The following MMP26 variants were observed in gnomAD, a reference collection of about 807,000 sequenced individuals.
MMP26 encodes the protein matrix metalloproteinase-26.
A neutral mutation model predicts 31.0 loss-of-function variants in MMP26; 33 were observed. The ratio of observed to expected loss-of-function variants is 1.06; its 90% CI spans 0.81 to 1.42. MMP26 has a LOEUF of 1.42. Ranked by LOEUF, MMP26 falls within the 40% of genes most tolerant of loss-of-function variation. MMP26 has a pLI of 0.00. For synonymous variants in MMP26, 122 were observed against 114.9 expected, an observed-to-expected ratio of 1.06 and a Z score of -0.40; for missense variants, 347 against 316.1, an observed-to-expected ratio of 1.10 and a Z score of -0.74.
intron 1 of MMP26, among the ~76,000 whole-genome samples, chr11:4,734,510 G>T: frequency 6.6e-6 from 1 of 151,886 alleles, no homozygotes. Context: ...TTGGATAAAG[G>T]CATTTACAGC....
chr11:4,850,346 A>T (rs1001188122), intron 2 of MMP26, among the ~76,000 whole-genome samples: 5 of 152,208 alleles, frequency 3.3e-5, no homozygotes, highest in African/African-American at 1.2e-4. Context: ...AGTGAAGAGG[A>T]ATTTATGTCA....
At chr11:4,941,818 G>A (rs11034778) in intron 2 of MMP26, among the ~76,000 whole-genome samples, 2,456 of 151,790 alleles carry the variant, frequency 0.016, 68 homozygotes, top group African/African-American at 0.056. Flanking sequence ...AGGTGCCGTG[G>A]CTCACGCTTG....
chr11:4,928,119 G>A (rs1203076634), intron 2 of MMP26, among the ~76,000 whole-genome samples: 1 of 104,948 alleles, frequency 9.5e-6, no homozygotes, highest in African/African-American at 3.2e-5. Flanking sequence ...ATATGACCTA[G>A]GACAAATTAC....
chr11:4,845,354 T>C (rs1849852437), intron 2 of MMP26, among the ~76,000 whole-genome samples: 1 of 152,150 alleles, frequency 6.6e-6, no homozygotes. Context: ...ATAGATTTAA[T>C]GCAATTCCAA....
At chr11:4,801,858 G>A (rs1022723025) in intron 2 of MMP26, among the ~76,000 whole-genome samples, 5 of 151,674 alleles carry the variant, frequency 3.3e-5, no homozygotes, top group South Asian at 2.1e-4. Flanking sequence ...TTAAATAACC[G>A]GATCTCGCAT....
intron 2 of MMP26, among the ~76,000 whole-genome samples, chr11:4,786,147 C>A (rs1469114999): frequency 6.6e-6 from 1 of 152,064 alleles, no homozygotes; most frequent in Non-Finnish European, 1.5e-5. Context: ...AACTGCAGGA[C>A]CCTGGAGTAG....
intron 2 of MMP26, among the ~76,000 whole-genome samples, chr11:4,807,471 C>T (rs181936871): frequency 6.6e-6 from 1 of 152,290 alleles, no homozygotes; most frequent in African/African-American, 2.4e-5. Flanking sequence ...TTTGCAGGGA[C>T]ATGGATGAAG....
intron 2 of MMP26, among the ~76,000 whole-genome samples, chr11:4,836,633 G>T (rs1387232885): frequency 2.1e-5 from 3 of 145,814 alleles, no homozygotes; most frequent in Non-Finnish European, 4.5e-5. Context: ...TGCATTGAAT[G>T]CTTGGAATCA....
chr11:4,809,467 C>T (rs1849321341), intron 2 of MMP26, among the ~76,000 whole-genome samples: 1 of 152,150 alleles, frequency 6.6e-6, no homozygotes, highest in Non-Finnish European at 1.5e-5. Flanking sequence ...TTTCAATGAT[C>T]TCACCCATTA....
chr11:4,910,314 A>T (rs1410591973), intron 2 of MMP26, among the ~76,000 whole-genome samples: 2 of 152,070 alleles, frequency 1.3e-5, no homozygotes, highest in Non-Finnish European at 2.9e-5. Flanking sequence ...CTAAGGATTC[A>T]TATAATTAGA....
Position 4,803,686 on chromosome 11 carries a change from G to A in MMP26, c.-145+36345G>A, listed in dbSNP as rs1331790913. On this transcript the variant is annotated intron_variant, in intron 2 of 7. Coordinates refer to ENST00000380390, the MANE Select transcript of MMP26 (RefSeq NM_021801.5). The stretch of plus-strand genomic sequence containing the variant: ...AGCTTTGAGGCGGGCTTCACCTGAG[G>A]GCAACTGAAGCACAGCTCTCAAAAT... The A allele has an allele frequency of 1.9e-6, 3 of 1,613,754 alleles. No individual in the cohort carries two copies. The South Asian group carries it at 3.3e-5, about 18-fold the overall frequency.
intron 2 of MMP26, among the ~76,000 whole-genome samples, chr11:4,972,376 A>T (rs1235741754): frequency 2.0e-5 from 3 of 152,240 alleles, no homozygotes; most frequent in Non-Finnish European, 4.4e-5. Context: ...ATGACATTTC[A>T]TGTTAAGGAA....
chr11:4,915,675 A>G (rs1447186549), intron 2 of MMP26: 1 of 1,596,788 alleles, frequency 6.3e-7, no homozygotes, highest in African/African-American at 1.3e-5. Flanking sequence ...GTGTGAGGAG[A>G]CAAGGGGGAA....
intron 2 of MMP26, among the ~76,000 whole-genome samples, chr11:4,963,819 G>A (rs1464193574): frequency 1.3e-5 from 2 of 152,158 alleles, no homozygotes; most frequent in African/African-American, 4.8e-5. Flanking sequence ...TGACTGGTGT[G>A]AGATGGCATC....
At chr11:4,883,547 T>C (rs17251261) in intron 2 of MMP26, among the ~76,000 whole-genome samples, 14,503 of 152,184 alleles carry the variant, frequency 0.095, 891 homozygotes, top group Middle Eastern at 0.2. Flanking sequence ...AATTACACAT[T>C]GACTTTCATT....
In MMP26 at chr11:4,833,295, A is replaced by G. The variant is rs1849671336; in HGVS notation, c.-145+65954A>G. On this transcript the variant is annotated intron_variant, in intron 2 of 7. Transcript: ENST00000380390. ...ATATTTCATGAAAATGTTACAAATC[A>G]TTTTGTTGTTCTTTGGGTGATTGAT... Among the ~76,000 whole-genome samples the G allele has an allele frequency of 2.0e-5, 3 of 152,192 alleles. No individual in the cohort carries two copies. The South Asian group carries it at 6.2e-4, about 31-fold the overall frequency.
In MMP26 at chr11:4,953,779, T is replaced by C. The variant is rs748421044; in HGVS notation, c.-144-34289T>C. Among the ~76,000 whole-genome samples, 10 of 125,410 alleles carry C rather than the reference T, an allele frequency of 8.0e-5. 3 individuals are homozygous for C. Among genetic ancestry groups the C allele is most frequent in the African/African-American group, 1.4e-4 (5 of 36,900 alleles). 82.3% of individuals were successfully genotyped at this position (125,410 alleles called of 152,430 possible). A position where few individuals can be genotyped will look rare whatever the true frequency, so the allele number is the denominator to read the frequency against. Reference sequence around the variant, plus strand: ...AATATGTTCTTCCTTCGGCTTGGCGTGTTGGCTCACGCCTGTAATACCAGC... The same window carrying C: ...AATATGTTCTTCCTTCGGCTTGGCGCGTTGGCTCACGCCTGTAATACCAGC... On this transcript the variant is annotated intron_variant, in intron 2 of 7. Transcript: ENST00000380390.
chr11:4,795,838 G>C (rs1849099677), intron 2 of MMP26, among the ~76,000 whole-genome samples: 1 of 140,388 alleles, frequency 7.1e-6, no homozygotes, highest in Non-Finnish European at 1.6e-5. Flanking sequence ...GAAAGAGAGA[G>C]AGAGGGAGAG....
chr11:4,915,140 C>T, intron 2 of MMP26: 2 of 1,613,858 alleles, frequency 1.2e-6, no homozygotes, highest in Non-Finnish European at 1.7e-6. Context: ...AACTGGGGAG[C>T]CACAATAGGG....
Sources: gnomAD v4.1 joint callset for allele counts (sites outside exome capture counted in the v4.1 genomes callset) on GRCh38, gnomAD v4.1.1 for gene constraint, MANE v1.5 for transcripts, NCBI Gene and HGNC (gene_info 2026-07-23, HGNC 2026-07-21) for gene names.